Variants in DLGAP2 observed in about 807,000 individuals in gnomAD.
DLGAP2 encodes disks large-associated protein 2.
DLGAP2 carries 26 observed loss-of-function variants against 100.3 expected under a neutral mutation model. The observed-to-expected ratio is 0.26, with a 90% CI of 0.19 to 0.36. The LOEUF (loss-of-function observed/expected upper bound fraction) is 0.36, where lower values mean the gene tolerates loss of function less well. DLGAP2 is among the 10% of genes least tolerant of loss of function. DLGAP2 has a pLI of 1.00. For synonymous variants in DLGAP2, 886 were observed against 630.1 expected (o/e 1.41, Z -6.08); for missense variants, 1,858 against 1,453.2 (o/e 1.28, Z -4.53).
At chr8:1,428,235 GA>G (rs1797292730) in intron 3 of DLGAP2, among the ~76,000 whole-genome samples, 1 of 151,832 alleles carries the variant, frequency 6.6e-6, no homozygotes, top group African/African-American at 2.4e-5. Flanking sequence ...AAGCCTATTA[GA>G]AATATAATTT....
At chr8:1,425,983 C>T (rs1158332952) in intron 3 of DLGAP2, among the ~76,000 whole-genome samples, 3 of 152,316 alleles carry the variant, frequency 2.0e-5, no homozygotes, top group East Asian at 1.9e-4. Context: ...CAGCACTGAG[C>T]AGAACATGCT....
At chr8:1,622,818 C>G (rs1797380791) in intron 6 of DLGAP2, among the ~76,000 whole-genome samples, 1 of 152,136 alleles carries the variant, frequency 6.6e-6, no homozygotes, top group Admixed American at 6.5e-5. Flanking sequence ...GAGAGATAAC[C>G]AAAGGGGCTG....
intron 2 of DLGAP2, among the ~76,000 whole-genome samples, chr8:1,208,537 A>G (rs1345767945): frequency 6.6e-6 from 1 of 152,306 alleles, no homozygotes; most frequent in Non-Finnish European, 1.5e-5. Flanking sequence ...AACAGGGAAA[A>G]GTTGAAAGCA....
At chr8:1,263,155 T>C (rs902579364) in intron 3 of DLGAP2, among the ~76,000 whole-genome samples, 2 of 152,240 alleles carry the variant, frequency 1.3e-5, no homozygotes, top group Non-Finnish European at 2.9e-5. Flanking sequence ...CATGAACGAT[T>C]CTTTAGCAAT....
At chr8:825,159 A>G (rs1796663131) in intron 1 of DLGAP2, among the ~76,000 whole-genome samples, 1 of 152,146 alleles carries the variant, frequency 6.6e-6, no homozygotes, top group Admixed American at 6.5e-5. Context: ...ATGACCCCAC[A>G]GAACCATCTG....
rs142822945 is a variant in DLGAP2 at position 1,327,967 on chromosome 8, C to T, written c.106+69084C>T. Among the ~76,000 whole-genome samples, 302 of 152,286 alleles carry T rather than the reference C, an allele frequency of 2.0e-3. 2 individuals are homozygous for T. Among genetic ancestry groups the T allele is most frequent in the African/African-American group, 7.1e-3 (295 of 41,552 alleles). ...GGGATTGCTGGTTTGTGTCTTTGGG[C>T]CCTGGAGGCAGAGCAGAGCCCTTTA... On this transcript the variant is annotated intron_variant, in intron 3 of 14. Transcript: ENST00000637795.
chr8:988,086 C>T (rs1163353543), intron 2 of DLGAP2, among the ~76,000 whole-genome samples: 2 of 152,154 alleles, frequency 1.3e-5, no homozygotes, highest in East Asian at 1.9e-4. Flanking sequence ...GTTCTATTCT[C>T]ATAGGCCCTG....
chr8:1,094,031 G>A (rs1387159520), intron 2 of DLGAP2, among the ~76,000 whole-genome samples: 1 of 151,834 alleles, frequency 6.6e-6, no homozygotes, highest in Non-Finnish European at 1.5e-5. Context: ...TTCGCGGTGG[G>A]TGGAGGGAGG....
intron 2 of DLGAP2, among the ~76,000 whole-genome samples, chr8:1,222,131 T>C (rs1349438105): frequency 1.3e-5 from 2 of 152,180 alleles, no homozygotes; most frequent in African/African-American, 4.8e-5. Flanking sequence ...GCTAGAGCAG[T>C]CATTTGGTTG....
At chr8:922,329 C>A (rs1430343704) in intron 2 of DLGAP2, among the ~76,000 whole-genome samples, 1 of 152,070 alleles carries the variant, frequency 6.6e-6, no homozygotes, top group African/African-American at 2.4e-5. Flanking sequence ...GACAGCGGAC[C>A]CCTCCGGAGG....
At chr8:1,493,106 C>A (rs961508931) in intron 3 of DLGAP2, among the ~76,000 whole-genome samples, 5 of 152,168 alleles carry the variant, frequency 3.3e-5, no homozygotes, top group African/African-American at 1.2e-4. Flanking sequence ...AAGGTGACAA[C>A]GAGCTCAAGC....
chr8:1,591,347 G>A (rs1163716659), intron 6 of DLGAP2, among the ~76,000 whole-genome samples: 1 of 152,194 alleles, frequency 6.6e-6, no homozygotes, highest in Non-Finnish European at 1.5e-5. Flanking sequence ...AAGGAGGATG[G>A]AGGAGAAAGA....
intron 4 of DLGAP2, among the ~76,000 whole-genome samples, chr8:1,537,780 AGGAAG>A (rs1419568464): frequency 1.0e-4 from 14 of 134,776 alleles, no homozygotes; most frequent in African/African-American, 3.9e-4. Flanking sequence ...GAAGGAAGGA[AGGAAG>A]GACAAATGGA....
At chr8:1,296,692 C>G (rs770932682) in intron 3 of DLGAP2, among the ~76,000 whole-genome samples, 15 of 152,220 alleles carry the variant, frequency 9.9e-5, no homozygotes, top group Non-Finnish European at 1.9e-4. Flanking sequence ...CTTTCCTCCC[C>G]ACTTTACAAA....
At chr8:1,571,693 G>A (rs1802695032) in intron 6 of DLGAP2, among the ~76,000 whole-genome samples, 1 of 138,194 alleles carries the variant, frequency 7.2e-6, no homozygotes, top group African/African-American at 2.7e-5. Flanking sequence ...CATCTTCTGG[G>A]ATGGAGAGGA....
chr8:1,056,321 C>A (rs893738280), intron 2 of DLGAP2, among the ~76,000 whole-genome samples: 1 of 152,102 alleles, frequency 6.6e-6, no homozygotes, highest in Non-Finnish European at 1.5e-5. Flanking sequence ...CATAACTGTT[C>A]CGTGCATGTG....
At chr8:1,316,016 G>A (rs1328758483) in intron 3 of DLGAP2, among the ~76,000 whole-genome samples, 2 of 138,722 alleles carry the variant, frequency 1.4e-5, no homozygotes, top group Admixed American at 7.5e-5. Context: ...CTCTCCAACA[G>A]TGGTCTACAC....
Position 1,445,314 on chromosome 8 carries a change from C to T in DLGAP2, c.107-56052C>T, listed in dbSNP as rs147500115. Among the ~76,000 whole-genome samples the T allele has an allele frequency of 7.8e-3, 1,127 of 143,994 alleles. 14 individuals carry two copies. The highest frequency in any genetic ancestry group is 0.027 in the African/African-American group (1,061 of 38,742). The allele number at this position is 143,994 out of a possible 152,430, so 94.5% of individuals were successfully genotyped here. A position where few individuals can be genotyped will look rare whatever the true frequency, so the allele number is the denominator to read the frequency against. On this transcript the variant is annotated intron_variant, in intron 3 of 14. Transcript: ENST00000637795. ...CCAAGTCTTCTAATTTGTTCAATTCCCACCTATGAGTGAGAACATGCAGTG... is the reference window on the plus strand; with the variant it reads ...CCAAGTCTTCTAATTTGTTCAATTCTCACCTATGAGTGAGAACATGCAGTG...
chr8:913,995 C>G (rs112766567), intron 2 of DLGAP2, among the ~76,000 whole-genome samples: 1 of 152,318 alleles, frequency 6.6e-6, no homozygotes, highest in South Asian at 2.1e-4. Context: ...GGATTGGTTA[C>G]CTGTTTTCAG....
Sources: allele counts gnomAD v4.1 joint callset (sites outside exome capture counted in the v4.1 genomes callset), GRCh38; gene constraint gnomAD v4.1.1; transcripts MANE v1.5; gene names NCBI Gene and HGNC (gene_info 2026-07-23, HGNC 2026-07-21).